The following GPS1 variants were observed in gnomAD, a reference collection of about 807,000 sequenced individuals.
GPS1 encodes the protein G protein pathway suppressor 1, also known as COP9 signalosome complex subunit 1.
GPS1 carries 11 observed loss-of-function variants against 60.0 expected under a neutral mutation model. The ratio of observed to expected loss-of-function variants is 0.18; its 90% CI spans 0.12 to 0.30. The LOEUF (loss-of-function observed/expected upper bound fraction) is 0.30. Ranked by LOEUF, GPS1 falls within the 10% of genes least tolerant of loss-of-function variation. GPS1 has a pLI of 1.00. For missense variants in GPS1, 543 were observed against 669.2 expected, an observed-to-expected ratio of 0.81 and a Z score of 2.08; for synonymous variants, 343 against 269.8, an observed-to-expected ratio of 1.27 and a Z score of -2.66.
At position 82,056,484 on chromosome 17, in the gene GPS1, G is replaced by A. The variant is rs760522641; in HGVS notation, c.1050G>A (p.Leu350=). ...CCCTTCCCCAGGACAACCTGCTCCT[G>A]GACATGTATCTGGCCCCCCATGTCA... The part of the protein sequence containing the change: ...MLDEMKDNLL[L]DMYLAPHVRT... The change falls in exon 10 of 13, where the codon CTG becomes CTA. Residue 350 remains leucine (L), a synonymous_variant. Transcript: ENST00000578552. 1 of 1,613,186 alleles carries A rather than the reference G, an allele frequency of 6.2e-7. No homozygotes were observed. The highest frequency in any genetic ancestry group is 8.5e-7 in the Non-Finnish European group (1 of 1,180,008).
Position 82,057,444 on chromosome 17 carries a change from T to G in GPS1, c.*317T>G. On this transcript the variant is annotated 3_prime_UTR_variant, in exon 13 of 13. Transcript: ENST00000578552. Reference sequence around the variant, plus strand: ...CAGTCAGGTGCAGACAAGTGGGCGGTGTCCATTAAAGAGCAGACTCAGCGT... The same window carrying G: ...CAGTCAGGTGCAGACAAGTGGGCGGGGTCCATTAAAGAGCAGACTCAGCGT... The G allele has an allele frequency of 1.8e-6, 1 of 554,834 alleles. No homozygotes were observed. The allele number at this position is 554,834 out of a possible 1,614,324, so 34.4% of individuals were successfully genotyped here.
At chr17:82,053,578 C>T in intron 2 of GPS1, 2 of 518,120 alleles carry the variant, frequency 3.9e-6, no homozygotes, top group Non-Finnish European at 6.7e-6. Context: ...GAAGCCAGGG[C>T]AGGTCTCCTC....
chr17:82,052,114 C>A, intron 1 of GPS1, 150 bp downstream of exon 1: 2 of 862,238 alleles, frequency 2.3e-6, no homozygotes, highest in Non-Finnish European at 2.9e-6. Context: ...GCGTCGGGGG[C>A]TGCAGGGCCG....
rs984435916 is a variant in GPS1 at position 82,057,160 on chromosome 17, C to T, written c.*33C>T. ...ACCTTGGCCTCCAGGACATCTGCAC[C>T]CCCTCCCCACCTCCACGGACCTCGG... is the stretch of plus-strand genomic sequence containing the variant. On this transcript the variant is annotated 3_prime_UTR_variant, in exon 13 of 13. Coordinates refer to ENST00000578552, the MANE Select transcript of GPS1 (RefSeq NM_001321092.3). The T allele has an allele frequency of 3.8e-6, 6 of 1,569,082 alleles. No homozygotes were observed. The highest frequency in any genetic ancestry group is 5.2e-6 in the Non-Finnish European group (6 of 1,154,786).
chr17:82,055,901 C>T, intron 7 of GPS1, 76 bp downstream of exon 7: 4 of 1,452,562 alleles, frequency 2.8e-6, no homozygotes, highest in Non-Finnish European at 3.8e-6. Flanking sequence ...AGGGTGAGGT[C>T]TCTCACAAAT....
chr17:82,056,816 C>G, intron 11 of GPS1, 24 bp from the exon 12 acceptor site: 1 of 1,610,360 alleles, frequency 6.2e-7, no homozygotes, highest in South Asian at 1.1e-5. Flanking sequence ...GAGCCTGGGC[C>G]CCGCTGAGCT....
intron 6 of GPS1, chr17:82,055,433 C>CA: frequency 1.6e-6 from 1 of 633,516 alleles, no homozygotes; most frequent in Non-Finnish European, 2.8e-6. Context: ...TGGCTGCTGT[C>CA]ACTGTGGGCG....
chr17:82,053,560 C>G (rs1361728262), intron 2 of GPS1, 194 bp downstream of exon 2: 2 of 518,482 alleles, frequency 3.9e-6, no homozygotes, highest in Non-Finnish European at 6.7e-6. Context: ...TCAGATGCTG[C>G]TCATGGAGAA....
rs202153481 is a variant in GPS1, at chr17:82,054,892, C to A, written c.610-6C>A. 2 of 1,577,644 alleles carry A rather than the reference C, an allele frequency of 1.3e-6. No individual in the cohort carries two copies. Among genetic ancestry groups the A allele is most frequent in the East Asian group, 4.5e-5 (2 of 44,454 alleles). ...GGGCTCACTTGGCTCTGCGCCCCCC[C>A]GCCAGGTCAGCGTCTACTTGCAGAA... On this transcript the variant is annotated splice_region_variant and splice_polypyrimidine_tract_variant and intron_variant, in intron 4 of 12. Transcript: ENST00000578552.
At chr17:82,051,422 G>A (rs2030560686), upstream of GPS1, 3 of 1,386,548 alleles carry the variant, frequency 2.2e-6, no homozygotes, top group Admixed American at 4.0e-5. This position sits in a 1 kb window ranked among gnomAD's most constrained non-coding sequence, Gnocchi z 4.1. Flanking sequence ...AGCCTCCGGG[G>A]GCCTGGGCCG....
rs544740357 is a variant in GPS1, at chr17:82,055,173, G to A, written c.699G>A (p.Glu233=). Residue 233 remains glutamate (E), a synonymous_variant, in exon 6 of 13, where the codon GAG becomes GAA. Coordinates refer to ENST00000578552, the MANE Select transcript of GPS1 (RefSeq NM_001321092.3). ...STPEIAEQRG[E]RDSQTQAILT... ...GCTTCCTCCTACAGCAGCGAGGAGA[G>A]CGTGACAGCCAGACCCAGGCCATCC... 1 of 1,563,442 alleles carries A rather than the reference G, an allele frequency of 6.4e-7. No individual in the cohort carries two copies. Among genetic ancestry groups the A allele is most frequent in the South Asian group, 1.2e-5 (1 of 85,336 alleles).
Position 82,053,563 on chromosome 17 carries a change from A to T in GPS1, c.126+197A>T, listed in dbSNP as rs539786443. 3.5e-5 allele frequency: 18 copies of T among 517,254 alleles called. No homozygotes were observed. The Admixed American group carries it at 4.2e-4, about 12-fold the overall frequency. The allele number at this position is 517,254 out of a possible 1,614,324, so 32.0% of individuals were successfully genotyped here. A position where few individuals can be genotyped will look rare whatever the true frequency, so the allele number is the denominator to read the frequency against. ...TGTAGCTCAGCTTCAGATGCTGCTC[A>T]TGGAGAAGCCAGGGCAGGTCTCCTC... On this transcript the variant is annotated intron_variant, in intron 2 of 12. Transcript: ENST00000578552.
intron 8 of GPS1, 59 bp from the exon 9 acceptor site, chr17:82,056,227 T>C (rs1451696144): frequency 8.7e-6 from 12 of 1,384,630 alleles, no homozygotes; most frequent in South Asian, 1.2e-5. Flanking sequence ...GGTGTCCCAC[T>C]GGCCACTTGG....
chr17:82,055,699 A>ACCCCCCCCCCCCCCCCCCCCCCCCC, intron 6 of GPS1, 41 bp from the exon 7 acceptor site: 1 of 1,017,796 alleles, frequency 9.8e-7, no homozygotes, highest in Non-Finnish European at 1.5e-6. Context: ...CTGGGGTCTT[A>ACCCCCCCCCCCCCCCCCCCCCCCCC]CCCCCTCTCC....
At chr17:82,053,661 T>A (rs1468566531) in intron 2 of GPS1, 2 of 587,048 alleles carry the variant, frequency 3.4e-6, no homozygotes, top group East Asian at 5.9e-5. Flanking sequence ...AGGGTCCCAC[T>A]CCTGAGGCTC....
At chr17:82,053,647 G>A (rs2031696623) in intron 2 of GPS1, 1 of 568,318 alleles carries the variant, frequency 1.8e-6, no homozygotes, top group Admixed American at 3.4e-5. Flanking sequence ...AAGCCCCCGG[G>A]TGCAGGGTCC....
rs372358339 is a variant in GPS1, at chr17:82,056,971, C to A, written c.1386C>A (p.Val462=). Residue 462 remains valine, a synonymous_variant, in exon 12 of 13, where the codon GTC becomes GTA. Coordinates refer to ENST00000578552, the MANE Select transcript of GPS1 (RefSeq NM_001321092.3). ...RAAVLRNQIH[V]KSPPREGSQG... ...CTGTGCTCCGCAACCAGATCCATGT[C>A]AAGGTGGGCTGGCTTGAGGGGGGGC... The A allele has an allele frequency of 3.7e-6, 6 of 1,612,846 alleles. No homozygotes were observed. The highest frequency in any genetic ancestry group is 5.1e-6 in the Non-Finnish European group (6 of 1,179,928).
intron 5 of GPS1, 71 bp downstream of exon 5, chr17:82,055,046 C>T (rs760982566): frequency 1.4e-5 from 22 of 1,594,842 alleles, no homozygotes; most frequent in Non-Finnish European, 1.9e-5. Context: ...TGTCCTCCCC[C>T]ACCTCATTCT....
In GPS1 at chr17:82,056,930, A is replaced by C; in HGVS notation, c.1345A>C (p.Met449Leu). The C allele has an allele frequency of 6.2e-7, 1 of 1,612,932 alleles. No homozygotes were observed. The highest frequency in any genetic ancestry group is 8.5e-7 in the Non-Finnish European group (1 of 1,179,952). ...GGAGTTCCAGCGCCGCGCCAAGGCC[A>C]TGATGCTGCGGGCAGCTGTGCTCCG... Reference protein sequence around the residue: ...GKEFQRRAKAMMLRAAVLRNQ... With the variant: ...GKEFQRRAKALMLRAAVLRNQ... Residue 449 changes from methionine (M) to leucine (L), a missense_variant, in exon 12 of 13, where the codon ATG becomes CTG. Transcript: ENST00000578552.
Sources: allele counts gnomAD v4.1 joint callset, GRCh38; gene constraint gnomAD v4.1.1; non-coding constraint Gnocchi (gnomAD v3.1); transcripts MANE v1.5; gene names NCBI Gene and HGNC (gene_info 2026-07-23, HGNC 2026-07-21).